C2CD5: variants seen among roughly 807,000 people sequenced by gnomAD.
The protein encoded by C2CD5 is C2 calcium dependent domain containing 5, also known as C2 domain-containing protein 5.
In C2CD5, 109 loss-of-function variants were observed where a neutral mutation model predicts 130.3. The ratio of observed to expected loss-of-function variants is 0.84; its 90% CI spans 0.72 to 0.98. The LOEUF is 0.98. Among genes scored for constraint, C2CD5 ranks in the 50% least tolerant of loss-of-function variants. C2CD5 has a pLI of 0.00. For synonymous variants in C2CD5, 454 were observed against 429.2 expected, an observed-to-expected ratio of 1.06 and a Z score of -0.71; for missense variants, 996 against 1,261.8, an observed-to-expected ratio of 0.79 and a Z score of 3.19.
chr12:22,513,517 T>C, intron 8 of C2CD5, 138 bp from the exon 9 acceptor site: 1 of 650,786 alleles, frequency 1.5e-6, no homozygotes, highest in South Asian at 1.8e-5. Context: ...GGATGACAAA[T>C]AAAGCACATA....
Position 22,476,168 on chromosome 12 carries a change from A to G in C2CD5, c.1903-1277T>C, listed in dbSNP as rs370871494. Among the ~76,000 whole-genome samples, 13 of 152,242 alleles carry G rather than the reference A, an allele frequency of 8.5e-5. 2 individuals carry two copies. On this transcript the variant is annotated intron_variant, in intron 15 of 26. Transcript: ENST00000446597. ...TTAAGTGGTACTACACCTTTGTATT[A>G]GAAACATTTTTTAATGTATTGACAA...
chr12:22,465,615 C>G (rs1003717427), intron 22 of C2CD5, among the ~76,000 whole-genome samples: 8 of 151,956 alleles, frequency 5.3e-5, no homozygotes, highest in African/African-American at 1.9e-4. Flanking sequence ...TTTTACTCTT[C>G]TCCCAGACCT....
chr12:22,526,962 A>G (rs2137078959), intron 4 of C2CD5, among the ~76,000 whole-genome samples: 1 of 152,338 alleles, frequency 6.6e-6, no homozygotes, highest in South Asian at 2.1e-4. Flanking sequence ...AGGCCAGCCT[A>G]GCCAATATGG....
intron 10 of C2CD5, among the ~76,000 whole-genome samples, chr12:22,497,290 A>C (rs1259939745): frequency 6.6e-6 from 1 of 152,120 alleles, no homozygotes; most frequent in East Asian, 1.9e-4. Context: ...TACCCGAGAG[A>C]ACTTGAAATG....
At chr12:22,502,856 G>T in intron 10 of C2CD5, 1 of 1,026,658 alleles carries the variant, frequency 9.7e-7, no homozygotes, top group South Asian at 1.4e-5. Context: ...AGAATAGTAG[G>T]AATAAAACAA....
intron 2 of C2CD5, among the ~76,000 whole-genome samples, chr12:22,541,028 T>C (rs1219347219): frequency 6.6e-6 from 1 of 152,222 alleles, no homozygotes; most frequent in Non-Finnish European, 1.5e-5. Flanking sequence ...GGTCTCACAG[T>C]TGAGAAACAC....
chr12:22,528,879 A>T (rs1210190503), intron 3 of C2CD5, among the ~76,000 whole-genome samples: 1 of 152,128 alleles, frequency 6.6e-6, no homozygotes, highest in African/African-American at 2.4e-5. Context: ...TGTTGATGTT[A>T]AGCTAATAAT....
At chr12:22,487,756 T>C (rs1278984311) in intron 12 of C2CD5, among the ~76,000 whole-genome samples, 17 of 152,046 alleles carry the variant, frequency 1.1e-4, no homozygotes, top group Admixed American at 1.1e-3. Flanking sequence ...TGCACACGTA[T>C]GTTTATTGCG....
intron 3 of C2CD5, 98 bp from the exon 4 acceptor site, chr12:22,527,990 A>C: frequency 1.7e-6 from 1 of 605,452 alleles, no homozygotes; most frequent in Non-Finnish European, 2.6e-6. Flanking sequence ...CACATCTGCA[A>C]ATAAAATCTT....
intron 4 of C2CD5, 142 bp from the exon 5 acceptor site, chr12:22,525,847 C>G (rs1950670260): frequency 1.6e-6 from 1 of 612,326 alleles, no homozygotes; most frequent in Non-Finnish European, 2.9e-6. Flanking sequence ...TGGTGCAAAA[C>G]CATTCTGATT....
Position 22,449,737 on chromosome 12 carries a change from G to T in C2CD5, c.*23C>A. The T allele has an allele frequency of 6.5e-7, 1 of 1,550,040 alleles. No homozygotes were observed. The highest frequency in any genetic ancestry group is 8.8e-7 in the Non-Finnish European group (1 of 1,133,580). ...AGAGATTGATGAATTTCATTTAGTT[G>T]AGCTCTTTTTTCCTAATTTTCCTCA... On this transcript the variant is annotated 3_prime_UTR_variant, in exon 27 of 27. Transcript: ENST00000446597.
chr12:22,544,151 G>T lies in C2CD5; in HGVS notation c.-1C>A. On this transcript the variant is annotated 5_prime_UTR_variant, in exon 2 of 27. Coordinates refer to ENST00000446597, the MANE Select transcript of C2CD5 (RefSeq NM_001286176.2). ...TTTTCACCTTCAGCTTCCCTGGCATGGTCTCGGTTTCGGCCTCTTCTTGGG... is the reference window on the plus strand; with the variant it reads ...TTTTCACCTTCAGCTTCCCTGGCATTGTCTCGGTTTCGGCCTCTTCTTGGG... 6.2e-7 allele frequency: 1 copy of T among 1,613,980 alleles called. No individual in the cohort carries two copies. The highest frequency in any genetic ancestry group is 1.1e-5 in the South Asian group (1 of 91,076).
intron 3 of C2CD5, among the ~76,000 whole-genome samples, chr12:22,534,120 G>A (rs1429316142): frequency 2.6e-5 from 4 of 152,110 alleles, no homozygotes; most frequent in South Asian, 4.1e-4. Flanking sequence ...CCCAGCAGGC[G>A]GAGGTTGCAG....
intron 3 of C2CD5, 40 bp from the exon 4 acceptor site, chr12:22,527,932 A>C: frequency 7.6e-7 from 1 of 1,324,098 alleles, no homozygotes; most frequent in South Asian, 1.4e-5. Flanking sequence ...TATAGTTTTT[A>C]AATCTTAATT....
At chr12:22,452,706 C>T (rs534114014) in intron 26 of C2CD5, among the ~76,000 whole-genome samples, 7 of 152,168 alleles carry the variant, frequency 4.6e-5, no homozygotes, top group Non-Finnish European at 7.4e-5. Flanking sequence ...ATCAAGAAAA[C>T]CTGAAAAGAA....
rs375581216 is a variant in C2CD5 at position 22,466,190 on chromosome 12, T to A, written c.2533+3519A>T. On this transcript the variant is annotated intron_variant, in intron 22 of 26. Coordinates refer to ENST00000446597, the MANE Select transcript of C2CD5 (RefSeq NM_001286176.2). ...GAAATATTAATAAACATACTATGCTTAGCTCTTGAAACTAATCCCCTAGTC... is the reference window on the plus strand; with the variant it reads ...GAAATATTAATAAACATACTATGCTAAGCTCTTGAAACTAATCCCCTAGTC... Among the ~76,000 whole-genome samples, 13 of 152,168 alleles carry A rather than the reference T, an allele frequency of 8.5e-5. No homozygotes were observed. The South Asian group carries it at 1.4e-3, about 17-fold the overall frequency.
chr12:22,509,017 C>T (rs1341125384), intron 9 of C2CD5, among the ~76,000 whole-genome samples: 1 of 151,850 alleles, frequency 6.6e-6, no homozygotes, highest in African/African-American at 2.4e-5. Flanking sequence ...GCTGGGACTA[C>T]AGGCGCCCGC....
chr12:22,528,298 G>A (rs987745843), intron 3 of C2CD5, among the ~76,000 whole-genome samples: 29 of 152,228 alleles, frequency 1.9e-4, no homozygotes, highest in African/African-American at 6.3e-4. Context: ...TTCTAAGGGC[G>A]ATTTCAGAGA....
intron 7 of C2CD5, among the ~76,000 whole-genome samples, chr12:22,520,015 A>G (rs1243407898): frequency 2.0e-5 from 3 of 152,128 alleles, no homozygotes; most frequent in African/African-American, 7.2e-5. Flanking sequence ...AACCATATCT[A>G]TGTGTGTGTA....
Sources: allele counts gnomAD v4.1 joint callset (sites outside exome capture counted in the v4.1 genomes callset), GRCh38; gene constraint gnomAD v4.1.1; transcripts MANE v1.5; gene names NCBI Gene and HGNC (gene_info 2026-07-23, HGNC 2026-07-21).